SLC39A12: variants seen among roughly 807,000 people sequenced by gnomAD.
The protein encoded by SLC39A12 is solute carrier family 39 member 12, also known as zinc transporter ZIP12.
A neutral mutation model predicts 71.1 loss-of-function variants in SLC39A12; 63 were observed. The observed-to-expected ratio is 0.89, with a 90% CI of 0.72 to 1.09. SLC39A12 has a LOEUF of 1.09. SLC39A12 is among the 50% of genes least tolerant of loss of function. SLC39A12 has a pLI of 0.00. For synonymous variants in SLC39A12, 351 were observed against 301.3 expected (o/e 1.16, Z -1.71); for missense variants, 892 against 812.6 (o/e 1.10, Z -1.19).
At chr10:18,024,017 G>T (rs1038366040) in intron 12 of SLC39A12, among the ~76,000 whole-genome samples, 1 of 152,136 alleles carries the variant, frequency 6.6e-6, no homozygotes, top group Non-Finnish European at 1.5e-5. Flanking sequence ...GGTGGGGGCT[G>T]CAGCAGTGTC....
intron 12 of SLC39A12, among the ~76,000 whole-genome samples, chr10:18,007,675 C>G (rs572796232): frequency 5.6e-4 from 86 of 152,334 alleles, no homozygotes; most frequent in South Asian, 3.7e-3. Context: ...TCATTCCCCC[C>G]CCTTTTTAGA....
At chr10:17,975,378 G>T (rs1835083623) in intron 4 of SLC39A12, among the ~76,000 whole-genome samples, 1 of 152,212 alleles carries the variant, frequency 6.6e-6, no homozygotes, top group African/African-American at 2.4e-5. Context: ...TCTTCAGTTA[G>T]CAGGTGACAA....
At chr10:17,980,244 T>A (rs1457330670) in intron 5 of SLC39A12, among the ~76,000 whole-genome samples, 1 of 152,128 alleles carries the variant, frequency 6.6e-6, no homozygotes, top group East Asian at 1.9e-4. Flanking sequence ...AAACTTTGTA[T>A]CCATGAAATC....
intron 4 of SLC39A12, among the ~76,000 whole-genome samples, chr10:17,971,870 T>G (rs1365004883): frequency 2.0e-5 from 3 of 152,180 alleles, no homozygotes; most frequent in Admixed American, 2.0e-4. Flanking sequence ...TTGCTTCTAC[T>G]CATTTTAGGT....
At chr10:17,960,254 GT>G (rs1834654248) in intron 2 of SLC39A12, among the ~76,000 whole-genome samples, 1 of 152,152 alleles carries the variant, frequency 6.6e-6, no homozygotes, top group African/African-American at 2.4e-5. Context: ...CCCATCTCCA[GT>G]GATAAGAATG....
intron 5 of SLC39A12, among the ~76,000 whole-genome samples, chr10:17,979,601 T>G (rs1835202704): frequency 6.6e-6 from 1 of 152,334 alleles, no homozygotes; most frequent in East Asian, 1.9e-4. Context: ...AATCTTGTCT[T>G]TGGCATACAT....
At chr10:17,997,656 T>C (rs986942530) in intron 10 of SLC39A12, among the ~76,000 whole-genome samples, 2 of 152,178 alleles carry the variant, frequency 1.3e-5, no homozygotes, top group African/African-American at 2.4e-5. Context: ...GCAGAATGAA[T>C]AGTGAACATA....
intron 12 of SLC39A12, chr10:18,007,257 G>C (rs1321003320): frequency 6.6e-6 from 1 of 152,168 alleles, no homozygotes; most frequent in East Asian, 1.9e-4. Flanking sequence ...GGGCAACTTA[G>C]GTCTTCAATG....
rs186035622 is a variant in SLC39A12 at position 18,016,833 on chromosome 10, T to C, written c.1947+13475T>C. On this transcript the variant is annotated intron_variant, in intron 12 of 12. Transcript: ENST00000377369. ...TCTTTTATATGACTACTTGCCATCA[T>C]ACATCTTCTTTGGGGAGTCTCTATT... Among the ~76,000 whole-genome samples the C allele has an allele frequency of 1.8e-3, 272 of 152,360 alleles. 2 individuals are homozygous for C. Among genetic ancestry groups the C allele is most frequent in the East Asian group, 3.9e-4 (2 of 5,182 alleles).
At chr10:17,961,394 G>A (rs1461910785) in intron 2 of SLC39A12, among the ~76,000 whole-genome samples, 187 bp from the exon 3 acceptor site, 1 of 152,166 alleles carries the variant, frequency 6.6e-6, no homozygotes, top group South Asian at 2.1e-4. Context: ...GAGGAAAAAA[G>A]GGGTTCCCTA....
intron 12 of SLC39A12, among the ~76,000 whole-genome samples, chr10:18,016,826 G>T (rs1836398366): frequency 6.6e-6 from 1 of 152,074 alleles, no homozygotes; most frequent in Non-Finnish European, 1.5e-5. Context: ...ATGACTACTT[G>T]CCATCATACA....
chr10:17,983,773 C>T (rs906431942), intron 6 of SLC39A12, among the ~76,000 whole-genome samples: 1 of 152,100 alleles, frequency 6.6e-6, no homozygotes, highest in Non-Finnish European at 1.5e-5. Context: ...CAGGGAGAGA[C>T]TCCATCTCAA....
chr10:17,996,549 G>A (rs1835687118), intron 10 of SLC39A12, among the ~76,000 whole-genome samples: 1 of 152,104 alleles, frequency 6.6e-6, no homozygotes, highest in African/African-American at 2.4e-5. Flanking sequence ...CTAGGCACAG[G>A]GCTACACAGT....
intron 2 of SLC39A12, among the ~76,000 whole-genome samples, chr10:17,955,321 C>A (rs1173023833): frequency 6.6e-6 from 1 of 151,344 alleles, no homozygotes. Context: ...AATAGCTTCA[C>A]CCTCCTTCTC....
rs573464325 is a variant in SLC39A12, at chr10:18,024,858, C to T, written c.1948-17847C>T. Among the ~76,000 whole-genome samples, 59 of 152,264 alleles carry T rather than the reference C, an allele frequency of 3.9e-4. 1 individual carries two copies. Among genetic ancestry groups the T allele is most frequent in the African/African-American group, 1.4e-3 (58 of 41,558 alleles). Reference sequence around the variant, plus strand: ...TTAAATCATTTATCATTATGTAATACACCATGTATCTTTGATAACTATCCT... The same window carrying T: ...TTAAATCATTTATCATTATGTAATATACCATGTATCTTTGATAACTATCCT... On this transcript the variant is annotated intron_variant, in intron 12 of 12. Coordinates refer to ENST00000377369, the MANE Select transcript of SLC39A12 (RefSeq NM_001145195.2).
rs201720508 is a variant in SLC39A12 at position 18,041,526 on chromosome 10, G to A, written c.1948-1179G>A. ...AAAAAAACTTTATATATATATATAT[G>A]TATATATATACACACACACACACAC... is the stretch of plus-strand genomic sequence containing the variant. On this transcript the variant is annotated intron_variant, in intron 12 of 12. Coordinates refer to ENST00000377369, the MANE Select transcript of SLC39A12 (RefSeq NM_001145195.2). Among the ~76,000 whole-genome samples, 12 of 72,354 alleles carry A rather than the reference G, an allele frequency of 1.7e-4. 1 individual carries two copies. Among genetic ancestry groups the A allele is most frequent in the South Asian group, 3.1e-4 (1 of 3,242 alleles). The allele number at this position is 72,354 out of a possible 152,430, so 47.5% of individuals were successfully genotyped here. A position where few individuals can be genotyped will look rare whatever the true frequency, so the allele number is the denominator to read the frequency against.
At chr10:18,013,350 TTATTATTATTA>T (rs1564657172) in intron 12 of SLC39A12, among the ~76,000 whole-genome samples, 51 of 33,012 alleles carry the variant, frequency 1.5e-3, no homozygotes, top group African/African-American at 3.3e-3. Context: ...ACTTTATTTA[TTATTATTATTA>T]TTATTATTAT....
At chr10:17,953,841 A>C (rs1212445544) in intron 2 of SLC39A12, among the ~76,000 whole-genome samples, 2 of 152,194 alleles carry the variant, frequency 1.3e-5, no homozygotes, top group South Asian at 2.1e-4. Context: ...CTGATTGACT[A>C]ATCTTTTCTT....
intron 12 of SLC39A12, among the ~76,000 whole-genome samples, chr10:18,029,447 T>C (rs1220323682): frequency 1.3e-5 from 2 of 152,170 alleles, no homozygotes; most frequent in Non-Finnish European, 2.9e-5. Flanking sequence ...AACAACTCTT[T>C]GCACCTACTG....
Sources: allele counts gnomAD v4.1 joint callset (sites outside exome capture counted in the v4.1 genomes callset), GRCh38; gene constraint gnomAD v4.1.1; transcripts MANE v1.5; gene names NCBI Gene and HGNC (gene_info 2026-07-23, HGNC 2026-07-21).